The following PPP1R13B variants were observed in gnomAD, a reference collection of about 807,000 sequenced individuals.
PPP1R13B encodes the protein protein phosphatase 1 regulatory subunit 13B.
A neutral mutation model predicts 119.8 loss-of-function variants in PPP1R13B; 44 were observed. The observed-to-expected ratio is 0.37, with a 90% CI of 0.29 to 0.47. The LOEUF (loss-of-function observed/expected upper bound fraction) is 0.47. PPP1R13B is among the 20% of genes least tolerant of loss of function. The pLI is 0.99. For synonymous variants in PPP1R13B, 542 were observed against 561.5 expected (o/e 0.97, Z 0.49); for missense variants, 1,227 against 1,413.5 (o/e 0.87, Z 2.12).
intron 2 of PPP1R13B, among the ~76,000 whole-genome samples, chr14:103,785,817 GC>G (rs752077214): frequency 3.3e-5 from 5 of 152,086 alleles, no homozygotes; most frequent in Non-Finnish European, 5.9e-5. Context: ...ACTATGCTCA[GC>G]CTCCCATTCT....
chr14:103,763,474 A>C (rs893234309), intron 4 of PPP1R13B, among the ~76,000 whole-genome samples: 24 of 151,442 alleles, frequency 1.6e-4, no homozygotes, highest in African/African-American at 5.8e-4. Context: ...TTTTATTTTA[A>C]CCTTTTCTTC....
chr14:103,737,472 A>G (rs1167174085), intron 15 of PPP1R13B: 1 of 456,058 alleles, frequency 2.2e-6, no homozygotes, highest in Non-Finnish European at 3.8e-6. Flanking sequence ...GCTACTTGGG[A>G]GGCTGAAGTG....
At position 103,736,080 on chromosome 14, in the gene PPP1R13B, T is replaced by C. The variant is rs1475105883; in HGVS notation, c.3154A>G (p.Lys1052Glu). ...EGDALTILRR[K>E]DESETEWWWA... Reference sequence around the variant, plus strand: ...CACCACTCAGTCTCGCTTTCGTCCTTGCGCCTCAGGATGGTGAGGGCGTCC... The same window carrying C: ...CACCACTCAGTCTCGCTTTCGTCCTCGCGCCTCAGGATGGTGAGGGCGTCC... Residue 1052 changes from lysine to glutamate, a missense_variant, in exon 16 of 17, where the codon AAG (lysine) becomes GAG (glutamate). Transcript: ENST00000202556. 1.9e-6 allele frequency: 3 copies of C among 1,614,102 alleles called. No homozygotes were observed. Among genetic ancestry groups the C allele is most frequent in the African/African-American group, 2.7e-5 (2 of 74,944 alleles).
upstream of PPP1R13B, among the ~76,000 whole-genome samples, chr14:103,847,905 C>G (rs1349634131): frequency 2.0e-5 from 3 of 151,764 alleles, no homozygotes; most frequent in African/African-American, 7.2e-5. Context: ...CGCAGCGGAT[C>G]ACGGCAGGGC....
intron 2 of PPP1R13B, among the ~76,000 whole-genome samples, chr14:103,794,898 AG>A (rs2085720877): frequency 6.6e-6 from 1 of 152,198 alleles, no homozygotes; most frequent in East Asian, 1.9e-4. Context: ...TCCCGCCTTC[AG>A]GAATTTTAGT....
At chr14:103,772,258 T>C (rs995585925) in intron 4 of PPP1R13B, among the ~76,000 whole-genome samples, 1 of 152,260 alleles carries the variant, frequency 6.6e-6, no homozygotes, top group African/African-American at 2.4e-5. Flanking sequence ...AACATTTGGG[T>C]TGTTGCCAGA....
intron 1 of PPP1R13B, among the ~76,000 whole-genome samples, chr14:103,822,590 G>A (rs1182817013): frequency 6.6e-6 from 1 of 151,770 alleles, no homozygotes; most frequent in African/African-American, 2.4e-5. Context: ...AAGGCAGGTG[G>A]ATCACAAGGT....
intron 1 of PPP1R13B, among the ~76,000 whole-genome samples, chr14:103,833,950 C>T (rs541787906): frequency 6.6e-6 from 1 of 152,318 alleles, no homozygotes; most frequent in Non-Finnish European, 1.5e-5. Context: ...CTTCAGTAAG[C>T]AAGTACATGT....
At chr14:103,735,218 C>G (rs1312613873) in intron 16 of PPP1R13B, 23 bp from the exon 17 acceptor site, 4 of 1,613,470 alleles carry the variant, frequency 2.5e-6, no homozygotes, top group African/African-American at 1.3e-5. Context: ...GGAGCCGCGT[C>G]AGGACAGGAA....
chr14:103,811,932 C>T (rs1333436747), intron 1 of PPP1R13B, among the ~76,000 whole-genome samples: 1 of 146,020 alleles, frequency 6.8e-6, no homozygotes, highest in Non-Finnish European at 1.5e-5. Context: ...TGGTGGTGGG[C>T]GCCTATAGTC....
At chr14:103,826,526 GA>G (rs1273895686) in intron 1 of PPP1R13B, among the ~76,000 whole-genome samples, 2 of 152,162 alleles carry the variant, frequency 1.3e-5, no homozygotes, top group Non-Finnish European at 2.9e-5. Context: ...TATAGTAAGA[GA>G]GTTCATAAAT....
intron 1 of PPP1R13B, among the ~76,000 whole-genome samples, chr14:103,843,330 T>C (rs2086951943): frequency 6.6e-6 from 1 of 151,692 alleles, no homozygotes. Flanking sequence ...GCTGAGATCC[T>C]GCCACTGCAC....
intron 1 of PPP1R13B, among the ~76,000 whole-genome samples, chr14:103,813,465 G>T (rs527576515): frequency 6.6e-6 from 1 of 152,078 alleles, no homozygotes; most frequent in African/African-American, 2.4e-5. Flanking sequence ...ATCATGGGGC[G>T]GTTTCTCCCA....
At chr14:103,759,771 A>AT (rs2084762071) in intron 4 of PPP1R13B, among the ~76,000 whole-genome samples, 1 of 152,232 alleles carries the variant, frequency 6.6e-6, no homozygotes, top group African/African-American at 2.4e-5. Flanking sequence ...TAGAAGAGAA[A>AT]TTTAACTGTC....
At chr14:103,819,079 G>A (rs140971134) in intron 1 of PPP1R13B, among the ~76,000 whole-genome samples, 1 of 152,162 alleles carries the variant, frequency 6.6e-6, no homozygotes, top group Non-Finnish European at 1.5e-5. Flanking sequence ...CAGGCGAAGG[G>A]AACAAGTGCA....
chr14:103,764,054 A>C (rs1271766219), intron 4 of PPP1R13B: 3 of 152,304 alleles, frequency 2.0e-5, no homozygotes, highest in African/African-American at 7.2e-5. Flanking sequence ...CTTAGCTGGT[A>C]TGAGTAACAG....
At chr14:103,744,196 GA>G (rs1279526397) in intron 9 of PPP1R13B, among the ~76,000 whole-genome samples, 2 of 152,202 alleles carry the variant, frequency 1.3e-5, no homozygotes, top group Non-Finnish European at 2.9e-5. Flanking sequence ...CCATAGTGGG[GA>G]CTAAAAAGCA....
chr14:103,734,972 A>C lies in PPP1R13B; in HGVS notation c.*182T>G, dbSNP rs1417461897. The C allele has an allele frequency of 6.7e-6, 5 of 749,002 alleles. No homozygotes were observed. In the African/African-American group the frequency reaches 8.6e-5, roughly 13 times the overall value. The allele number at this position is 749,002 out of a possible 1,614,324, so 46.4% of individuals were successfully genotyped here. A position where few individuals can be genotyped will look rare whatever the true frequency, so the allele number is the denominator to read the frequency against. ...GGAGGCGAAAGTACCTCTCCCAGTT[A>C]ATGGGCAAACTGGAGAAAGGGCCTC... On this transcript the variant is annotated 3_prime_UTR_variant, in exon 17 of 17. Transcript: ENST00000202556.
At chr14:103,769,781 G>A (rs2085023041) in intron 4 of PPP1R13B, among the ~76,000 whole-genome samples, 1 of 152,078 alleles carries the variant, frequency 6.6e-6, no homozygotes, top group Non-Finnish European at 1.5e-5. Flanking sequence ...AGGTGATAAT[G>A]ATATCAAGAT....
Sources: gnomAD v4.1 joint callset for allele counts (sites outside exome capture counted in the v4.1 genomes callset) on GRCh38, gnomAD v4.1.1 for gene constraint, MANE v1.5 for transcripts, NCBI Gene and HGNC (gene_info 2026-07-23, HGNC 2026-07-21) for gene names.